The following NYAP2 variants were observed in gnomAD, a reference collection of about 807,000 sequenced individuals.
NYAP2 encodes the protein neuronal tyrosine-phosphorylated phosphoinositide-3-kinase adaptor 2, also known as neuronal tyrosine-phosphorylated phosphoinositide-3-kinase adapter 2.
NYAP2 carries 23 observed loss-of-function variants against 50.4 expected under a neutral mutation model. That is an observed-to-expected ratio of 0.46 (90% CI 0.33 to 0.65). NYAP2 has a LOEUF of 0.65. NYAP2 is among the 30% of genes least tolerant of loss of function. The pLI, the probability that NYAP2 is intolerant of heterozygous loss-of-function variation, is 0.02. For synonymous variants in NYAP2, 394 were observed against 365.2 expected, an observed-to-expected ratio of 1.08 and a Z score of -0.90; for missense variants, 885 against 861.0, an observed-to-expected ratio of 1.03 and a Z score of -0.35.
chr2:225,640,714 T>A (rs902513619), intron 6 of NYAP2, among the ~76,000 whole-genome samples: 2 of 152,202 alleles, frequency 1.3e-5, no homozygotes, highest in African/African-American at 4.8e-5. Flanking sequence ...TACTTACGGG[T>A]TTTAAACATA....
intron 3 of NYAP2, among the ~76,000 whole-genome samples, chr2:225,443,824 A>G (rs562926655): frequency 1.3e-5 from 2 of 152,318 alleles, no homozygotes; most frequent in East Asian, 3.9e-4. Flanking sequence ...TGGACTAGTA[A>G]AGTAGTTTTA....
the NYAP2 span, among the ~76,000 whole-genome samples, chr2:225,690,493 A>T: frequency 6.6e-6 from 1 of 152,104 alleles, no homozygotes; most frequent in Non-Finnish European, 1.5e-5. Context: ...CACTAAAACT[A>T]GGGGGAAAGT....
Position 225,414,521 on chromosome 2 carries a change from G to T in NYAP2, c.221+5420G>T, listed in dbSNP as rs549810172. 2.6e-5 allele frequency among the ~76,000 whole-genome samples: 4 copies of T among 152,210 alleles called. No individual in the cohort carries two copies. The South Asian group carries it at 8.3e-4, about 32-fold the overall frequency. On this transcript the variant is annotated intron_variant, in intron 3 of 6. Transcript: ENST00000636099. ...GGGTTGCAAAATCCCAGTTTATCATGTGAGTGAGAGAAAAGGTAAGAAACA... is the reference window on the plus strand; with the variant it reads ...GGGTTGCAAAATCCCAGTTTATCATTTGAGTGAGAGAAAAGGTAAGAAACA...
chr2:225,550,293 T>C (rs1457540713), intron 4 of NYAP2, among the ~76,000 whole-genome samples: 2 of 81,564 alleles, frequency 2.5e-5, no homozygotes, highest in East Asian at 3.3e-4. Context: ...TGAGTACCCA[T>C]ATAACCATTC....
chr2:225,446,086 C>T (rs1411063089), intron 3 of NYAP2, among the ~76,000 whole-genome samples: 1 of 151,634 alleles, frequency 6.6e-6, no homozygotes, highest in Non-Finnish European at 1.5e-5. Context: ...GAGGCTAAGG[C>T]AGGAGAACCA....
chr2:225,593,868 T>A (rs1044110660), intron 5 of NYAP2, among the ~76,000 whole-genome samples: 2 of 152,238 alleles, frequency 1.3e-5, no homozygotes, highest in Non-Finnish European at 2.9e-5. Context: ...TATGTTTGAC[T>A]TAGAATATTC....
chr2:225,583,911 G>A (rs947529313), intron 5 of NYAP2, among the ~76,000 whole-genome samples: 2 of 152,060 alleles, frequency 1.3e-5, no homozygotes, highest in Admixed American at 6.5e-5. Context: ...GTGTGGTGGC[G>A]GGCACCTTTA....
chr2:225,651,009 T>C (rs1199902520), intron 6 of NYAP2, among the ~76,000 whole-genome samples: 1 of 152,218 alleles, frequency 6.6e-6, no homozygotes. Flanking sequence ...ATAGTATTCA[T>C]GGAAGGAAGG....
intron 6 of NYAP2, among the ~76,000 whole-genome samples, chr2:225,649,657 A>C (rs561229050): frequency 1.4e-4 from 21 of 152,306 alleles, no homozygotes; most frequent in Middle Eastern, 3.4e-3. Context: ...GACATAAGCC[A>C]TTGTGCCTGG....
chr2:225,477,011 A>G (rs1412604938), intron 3 of NYAP2, among the ~76,000 whole-genome samples: 1 of 152,116 alleles, frequency 6.6e-6, no homozygotes, highest in Non-Finnish European at 1.5e-5. Flanking sequence ...ACCACTGCCT[A>G]TGCCTTTGAA....
chr2:225,636,030 T>A (rs1446258388), intron 6 of NYAP2, among the ~76,000 whole-genome samples: 1 of 152,240 alleles, frequency 6.6e-6, no homozygotes, highest in East Asian at 1.9e-4. Flanking sequence ...CTTCAACGTA[T>A]ACTTTGTGTT....
chr2:225,495,758 A>T (rs1315526775), intron 3 of NYAP2, among the ~76,000 whole-genome samples: 2 of 152,230 alleles, frequency 1.3e-5, no homozygotes, highest in Non-Finnish European at 2.9e-5. Flanking sequence ...GCATTATGTA[A>T]TATTTTAAAA....
chr2:225,604,213 A>C (rs1302981576), intron 5 of NYAP2, among the ~76,000 whole-genome samples: 1 of 152,110 alleles, frequency 6.6e-6, no homozygotes, highest in African/African-American at 2.4e-5. Flanking sequence ...CAGACACCTA[A>C]CCTAAAAAAA....
At chr2:225,652,537 T>C (rs1039906328) in exon 7 of NYAP2, 2 of 152,200 alleles carry the variant, frequency 1.3e-5, no homozygotes, top group Non-Finnish European at 2.9e-5. Context: ...GCTCACCCAA[T>C]AGGAATTCAA....
At chr2:225,654,403 C>A (rs1226447433), downstream of NYAP2, among the ~76,000 whole-genome samples, 1 of 152,116 alleles carries the variant, frequency 6.6e-6, no homozygotes, top group African/African-American at 2.4e-5. Flanking sequence ...AAATAAAAGG[C>A]CAGGTGCGGT....
intron 5 of NYAP2, among the ~76,000 whole-genome samples, chr2:225,584,020 C>T (rs1190304494): frequency 2.6e-5 from 4 of 151,768 alleles, no homozygotes; most frequent in Non-Finnish European, 5.9e-5. Context: ...CCAGCCTGGG[C>T]GATAGAGCAA....
intron 5 of NYAP2, among the ~76,000 whole-genome samples, chr2:225,589,516 A>AAAAT (rs112700820): frequency 1.1e-4 from 8 of 71,338 alleles, no homozygotes; most frequent in African/African-American, 3.3e-4. Flanking sequence ...CTAAAAGTAA[A>AAAAT]ATATATATAT....
chr2:225,519,982 T>C (rs1691017314), intron 4 of NYAP2, among the ~76,000 whole-genome samples: 1 of 152,198 alleles, frequency 6.6e-6, no homozygotes, highest in Non-Finnish European at 1.5e-5. Context: ...TGTGAGATGG[T>C]ATCTCATTGT....
At chr2:225,675,801 C>T in the NYAP2 span, among the ~76,000 whole-genome samples, 2 of 152,142 alleles carry the variant, frequency 1.3e-5, no homozygotes, top group African/African-American at 4.8e-5. Flanking sequence ...CCCTTGACAA[C>T]ATCTGTAGTT....
Sources: allele counts gnomAD v4.1 joint callset (sites outside exome capture counted in the v4.1 genomes callset), GRCh38; gene constraint gnomAD v4.1.1; transcripts MANE v1.5; gene names NCBI Gene and HGNC (gene_info 2026-07-23, HGNC 2026-07-21).